HDX: variants seen among roughly 807,000 people sequenced by gnomAD.
HDX encodes chromosome X open reading frame 43.
In HDX, 19 loss-of-function variants were observed where a neutral mutation model predicts 45.2. The observed-to-expected ratio is 0.42, with a 90% confidence interval of 0.29 to 0.62. The LOEUF (loss-of-function observed/expected upper bound fraction) is 0.62, where lower values mean the gene tolerates loss of function less well. Among genes scored for constraint, HDX ranks in the 20% least tolerant of loss-of-function variants. HDX has a pLI of 0.20. For missense variants in HDX, 532 were observed against 493.9 expected (o/e 1.08, Z -0.73); for synonymous variants, 188 against 172.8 (o/e 1.09, Z -0.69).
chrX:84,423,497 A>T, intron 5 of HDX, among the ~76,000 whole-genome samples: 1 of 103,494 alleles, frequency 9.7e-6, no homozygotes, highest in East Asian at 3.2e-4. Context: ...AAAAAAAAAA[A>T]AAAAGAGAGA....
chrX:84,333,664 T>C (rs2036893148), intron 9 of HDX, 95 bp downstream of exon 9: 1 of 420,822 alleles, frequency 2.4e-6, no homozygotes, highest in East Asian at 4.4e-5. Flanking sequence ...AGCCTTAGAA[T>C]GCTTAACTTA....
chrX:84,329,359 A>C (rs2036794568), intron 9 of HDX, among the ~76,000 whole-genome samples: 1 of 111,760 alleles, frequency 8.9e-6, no homozygotes, highest in African/African-American at 3.2e-5. Flanking sequence ...TACATACATT[A>C]TTGGTGAAAG....
intron 4 of HDX, among the ~76,000 whole-genome samples, chrX:84,467,730 A>AT (rs2040379760): frequency 9.0e-6 from 1 of 111,042 alleles, no homozygotes; most frequent in South Asian, 3.8e-4. Context: ...TCTAAAGCAG[A>AT]TTTTTCAGAG....
intron 2 of HDX, among the ~76,000 whole-genome samples, chrX:84,478,385 G>GA (rs2040601006): frequency 9.0e-6 from 1 of 111,385 alleles, no homozygotes; most frequent in Admixed American, 9.6e-5. Context: ...AAGAATGTCT[G>GA]CTTCCTTAGG....
chrX:84,449,428 T>C (rs1182033311), intron 4 of HDX, among the ~76,000 whole-genome samples: 1 of 111,465 alleles, frequency 9.0e-6, no homozygotes, highest in Non-Finnish European at 1.9e-5. Flanking sequence ...GAAAAGTATC[T>C]AGTCACCTTT....
chrX:84,485,977 T>C (rs1376990101), intron 2 of HDX, among the ~76,000 whole-genome samples: 2 of 111,776 alleles, frequency 1.8e-5, no homozygotes, highest in Admixed American at 1.9e-4. Context: ...TATAGTTTGG[T>C]TATTTAATCC....
chrX:84,398,571 A>G (rs1331912909), intron 5 of HDX, among the ~76,000 whole-genome samples: 2 of 111,961 alleles, frequency 1.8e-5, no homozygotes, highest in Non-Finnish European at 3.8e-5. Flanking sequence ...TTCACAAAAC[A>G]AGTTCTTAGA....
chrX:84,443,584 C>T (rs992428434), intron 4 of HDX, among the ~76,000 whole-genome samples: 2 of 111,597 alleles, frequency 1.8e-5, no homozygotes, highest in African/African-American at 6.5e-5. Flanking sequence ...CAGTTCATGC[C>T]TCACCCAGAG....
chrX:84,464,907 A>C (rs2040313877), intron 4 of HDX, among the ~76,000 whole-genome samples: 1 of 111,862 alleles, frequency 8.9e-6, no homozygotes, highest in Admixed American at 9.5e-5. Flanking sequence ...AATGGGAGAA[A>C]ATTTTTGCAA....
chrX:84,373,576 T>C (rs1017742993), intron 5 of HDX, among the ~76,000 whole-genome samples: 1 of 110,545 alleles, frequency 9.0e-6, no homozygotes, highest in African/African-American at 3.3e-5. Context: ...CAAGAGGGCT[T>C]CATCCCTGGG....
At chrX:84,461,152 T>C (rs1313449466) in intron 4 of HDX, among the ~76,000 whole-genome samples, 1 of 111,220 alleles carries the variant, frequency 9.0e-6, no homozygotes, top group Non-Finnish European at 1.9e-5. Flanking sequence ...ATGACATTCT[T>C]CACAGAAACA....
At chrX:84,440,026 T>G (rs2039727465) in intron 5 of HDX, 1 of 111,630 alleles carries the variant, frequency 9.0e-6, no homozygotes, top group Non-Finnish European at 1.9e-5. Context: ...AATGAGATTC[T>G]TTGAGGAAGC....
intron 5 of HDX, among the ~76,000 whole-genome samples, chrX:84,409,482 G>A (rs1417464645): frequency 1.8e-5 from 2 of 109,525 alleles, no homozygotes; most frequent in Admixed American, 9.8e-5. Flanking sequence ...CCAAATGTCT[G>A]ACAATGATAG....
rs1274603833 is a variant in HDX, at chrX:84,502,361, C to G, written c.-129G>C. ...GCTTACCTCGGGTGTGGTGCGGTTA[C>G]GAAAGGAATCAGCGGAACCCAGATC... On this transcript the variant is annotated 5_prime_UTR_variant, in exon 1 of 11. Coordinates refer to ENST00000373177, the MANE Select transcript of HDX (RefSeq NM_001177479.2). The G allele has an allele frequency of 9.0e-6, 1 of 111,206 alleles. No individual in the cohort carries two copies. Among genetic ancestry groups the G allele is most frequent in the Admixed American group, 9.6e-5 (1 of 10,453 alleles). 9.2% of individuals were successfully genotyped at this position (111,206 alleles called of 1,213,427 possible). A position where few individuals can be genotyped will look rare whatever the true frequency, so the allele number is the denominator to read the frequency against.
At chrX:84,465,697 C>T (rs1444280725) in intron 4 of HDX, among the ~76,000 whole-genome samples, 1 of 111,777 alleles carries the variant, frequency 8.9e-6, no homozygotes, top group Non-Finnish European at 1.9e-5. Context: ...GGAGGGATAG[C>T]ATTAGGAGAA....
chrX:84,321,292 G>A lies in HDX; in HGVS notation c.*597C>T, dbSNP rs1438224427. On this transcript the variant is annotated 3_prime_UTR_variant, in exon 11 of 11. Coordinates refer to ENST00000373177, the MANE Select transcript of HDX (RefSeq NM_001177479.2). ...CACCCCCACACAAATATTTGGGTTA[G>A]ATAATAGAAGAACACCAGCAATTTA... 1.8e-5 allele frequency: 2 copies of A among 110,650 alleles called. No homozygotes were observed. The highest frequency in any genetic ancestry group is 3.8e-5 in the Non-Finnish European group (2 of 52,438). The allele number at this position is 110,650 out of a possible 1,213,427, so 9.1% of individuals were successfully genotyped here. A position where few individuals can be genotyped will look rare whatever the true frequency, so the allele number is the denominator to read the frequency against.
chrX:84,491,910 T>A (rs1231343464), intron 1 of HDX, among the ~76,000 whole-genome samples: 1 of 111,692 alleles, frequency 9.0e-6, no homozygotes, highest in Non-Finnish European at 1.9e-5. Context: ...TTGTGGTTCT[T>A]TCTCTGTCCT....
At chrX:84,398,100 G>A (rs996328804) in intron 5 of HDX, among the ~76,000 whole-genome samples, 2 of 108,545 alleles carry the variant, frequency 1.8e-5, no homozygotes, top group African/African-American at 6.7e-5. Flanking sequence ...ATGTGTGTAT[G>A]TATATATATA....
At chrX:84,339,740 A>T (rs776565952) in intron 7 of HDX, among the ~76,000 whole-genome samples, 2 of 111,134 alleles carry the variant, frequency 1.8e-5, no homozygotes, top group South Asian at 7.4e-4. Context: ...ATGTACTCCC[A>T]CTAAGTAACT....
Sources: allele counts gnomAD v4.1 joint callset (sites outside exome capture counted in the v4.1 genomes callset), GRCh38; gene constraint gnomAD v4.1.1; transcripts MANE v1.5; gene names NCBI Gene and HGNC (gene_info 2026-07-23, HGNC 2026-07-21).